CADPS2: variants seen among roughly 807,000 people sequenced by gnomAD.
CADPS2 encodes the protein calcium-dependent secretion activator 2.
Under a neutral mutation model 172.5 loss-of-function variants are expected in CADPS2, and 93 were observed. The ratio of observed to expected loss-of-function variants is 0.54; its 90% CI spans 0.46 to 0.64. The LOEUF is 0.64. Ranked by LOEUF, CADPS2 falls within the 30% of genes least tolerant of loss-of-function variation. The pLI, the probability that CADPS2 is intolerant of heterozygous loss-of-function variation, is 0.00. For missense variants in CADPS2, 1,420 were observed against 1,565.9 expected (o/e 0.91, Z 1.57); for synonymous variants, 546 against 555.2 (o/e 0.98, Z 0.23).
intron 8 of CADPS2, among the ~76,000 whole-genome samples, chr7:122,548,264 T>C (rs1485136329): frequency 6.6e-6 from 1 of 151,992 alleles, no homozygotes; most frequent in Non-Finnish European, 1.5e-5. Flanking sequence ...TCCCAGCTAC[T>C]CACGAGGCTG....
rs755677332 is a variant in CADPS2, at chr7:122,832,605, G to T, written c.339+53394C>A. Among the ~76,000 whole-genome samples, 54 of 152,196 alleles carry T rather than the reference G, an allele frequency of 3.5e-4. 1 individual carries two copies. Among genetic ancestry groups the T allele is most frequent in the Non-Finnish European group, 6.9e-4 (47 of 68,040 alleles). Reference sequence around the variant, plus strand: ...CAGAGACCTACCAGCATATCTGTGGGAGTGGATGGCAGTAATGTTGTCTGG... The same window carrying T: ...CAGAGACCTACCAGCATATCTGTGGTAGTGGATGGCAGTAATGTTGTCTGG... On this transcript the variant is annotated intron_variant, in intron 1 of 29. Coordinates refer to ENST00000449022, the MANE Select transcript of CADPS2 (RefSeq NM_017954.11).
At chr7:122,751,437 A>T (rs2092950602) in intron 1 of CADPS2, among the ~76,000 whole-genome samples, 3 of 152,168 alleles carry the variant, frequency 2.0e-5, no homozygotes, top group South Asian at 2.1e-4. Flanking sequence ...GTTTCGTGGA[A>T]ACTGAAAGCT....
At chr7:122,459,493 G>A (rs2054193662) in intron 14 of CADPS2, among the ~76,000 whole-genome samples, 1 of 152,066 alleles carries the variant, frequency 6.6e-6, no homozygotes, top group Non-Finnish European at 1.5e-5. Flanking sequence ...TGCAGTGCAT[G>A]AAATTATTAA....
At chr7:122,817,681 T>C (rs768752338) in intron 1 of CADPS2, among the ~76,000 whole-genome samples, 4 of 151,924 alleles carry the variant, frequency 2.6e-5, no homozygotes, top group Non-Finnish European at 5.9e-5. Flanking sequence ...TCCTTGTCTC[T>C]ACCCCTTCTC....
intron 1 of CADPS2, among the ~76,000 whole-genome samples, chr7:122,751,965 G>A (rs549840376): frequency 6.0e-4 from 92 of 152,224 alleles, no homozygotes; most frequent in Admixed American, 1.2e-3. Context: ...TCCTGAAGAA[G>A]AGCGAGTCCT....
chr7:122,431,330 C>G (rs1402697867), intron 17 of CADPS2, among the ~76,000 whole-genome samples: 2 of 152,124 alleles, frequency 1.3e-5, no homozygotes, highest in East Asian at 1.9e-4. Context: ...CCTCCTGGAA[C>G]TAACATTCTA....
At chr7:122,687,898 C>A (rs762270570) in intron 2 of CADPS2, among the ~76,000 whole-genome samples, 4 of 152,068 alleles carry the variant, frequency 2.6e-5, no homozygotes, top group Admixed American at 6.6e-5. Flanking sequence ...ATGTATCAAG[C>A]CTTTTGTTAA....
chr7:122,802,202 TC>T (rs1418426473), intron 1 of CADPS2, among the ~76,000 whole-genome samples: 1 of 152,050 alleles, frequency 6.6e-6, no homozygotes, highest in African/African-American at 2.4e-5. Context: ...GTGTGAAATA[TC>T]CCCCTGATTA....
At chr7:122,718,529 G>A (rs570344029) in intron 2 of CADPS2, among the ~76,000 whole-genome samples, 2 of 152,176 alleles carry the variant, frequency 1.3e-5, no homozygotes, top group African/African-American at 4.8e-5. Flanking sequence ...TCTAAACAGG[G>A]AACAGAATAA....
chr7:122,718,343 AG>A (rs2089940663), intron 2 of CADPS2, among the ~76,000 whole-genome samples: 1 of 151,894 alleles, frequency 6.6e-6, no homozygotes, highest in Non-Finnish European at 1.5e-5. Context: ...AGGATGTGGG[AG>A]GGGCAAAAGG....
At chr7:122,758,435 C>T (rs2093254795) in intron 1 of CADPS2, among the ~76,000 whole-genome samples, 1 of 152,104 alleles carries the variant, frequency 6.6e-6, no homozygotes, top group Admixed American at 6.5e-5. Flanking sequence ...AGGGGTAAAA[C>T]AAAGCAAATG....
chr7:122,344,573 G>A (rs2037282523), intron 28 of CADPS2, among the ~76,000 whole-genome samples: 1 of 152,138 alleles, frequency 6.6e-6, no homozygotes, highest in Admixed American at 6.6e-5. Context: ...GCACATATCA[G>A]TACTTTAAAT....
chr7:122,398,047 G>A (rs1456653566), intron 20 of CADPS2, among the ~76,000 whole-genome samples: 1 of 152,076 alleles, frequency 6.6e-6, no homozygotes, highest in Non-Finnish European at 1.5e-5. Flanking sequence ...ATTAGAAATG[G>A]CAAAAAGAAA....
At chr7:122,469,797 C>T (rs2152141912) in intron 14 of CADPS2, among the ~76,000 whole-genome samples, 1 of 151,130 alleles carries the variant, frequency 6.6e-6, no homozygotes, top group East Asian at 1.9e-4. Context: ...AAAATATGAT[C>T]TAGTGGAACA....
At chr7:122,679,567 T>G (rs2082795284) in intron 2 of CADPS2, among the ~76,000 whole-genome samples, 1 of 152,154 alleles carries the variant, frequency 6.6e-6, no homozygotes, top group African/African-American at 2.4e-5. Context: ...TGATCTTTTG[T>G]TGCCCTTAAA....
chr7:122,574,783 A>G (rs1422297720), intron 7 of CADPS2, among the ~76,000 whole-genome samples: 1 of 152,068 alleles, frequency 6.6e-6, no homozygotes, highest in African/African-American at 2.4e-5. Context: ...AGACTATAAC[A>G]CACAAATTTT....
intron 1 of CADPS2, among the ~76,000 whole-genome samples, chr7:122,857,301 TTACTA>T (rs1239819115): frequency 2.0e-5 from 3 of 152,306 alleles, no homozygotes; most frequent in Non-Finnish European, 2.9e-5. Flanking sequence ...TCCAAATACT[TTACTA>T]TAGGCGTATA....
intron 6 of CADPS2, among the ~76,000 whole-genome samples, chr7:122,600,416 G>A (rs889037092): frequency 3.9e-5 from 6 of 152,044 alleles, no homozygotes; most frequent in South Asian, 2.1e-4. Context: ...TGTTAATGAT[G>A]AAATTTTAAT....
At chr7:122,470,168 T>C (rs991159891) in intron 14 of CADPS2, among the ~76,000 whole-genome samples, 1 of 152,104 alleles carries the variant, frequency 6.6e-6, no homozygotes, top group Admixed American at 6.6e-5. Context: ...TCTACAATTT[T>C]TTTGACTGAT....
Sources: gnomAD v4.1 joint callset for allele counts (sites outside exome capture counted in the v4.1 genomes callset) on GRCh38, gnomAD v4.1.1 for gene constraint, MANE v1.5 for transcripts, NCBI Gene and HGNC (gene_info 2026-07-23, HGNC 2026-07-21) for gene names.